Variants in ELMO1 observed in about 807,000 individuals in gnomAD.
ELMO1 encodes engulfment and cell motility 1.
In ELMO1, 26 loss-of-function variants were observed where a neutral mutation model predicts 98.9. That is an observed-to-expected ratio of 0.26 (90% CI 0.19 to 0.36). The LOEUF is 0.36. Among genes scored for constraint, ELMO1 ranks in the 10% least tolerant of loss-of-function variants. ELMO1 has a pLI of 1.00. For synonymous variants in ELMO1, 346 were observed against 346.0 expected, an observed-to-expected ratio of 1.00 and a Z score of 0.00; for missense variants, 627 against 935.2, an observed-to-expected ratio of 0.67 and a Z score of 4.30.
chr7:37,195,325 C>G (rs1383513281), intron 13 of ELMO1, among the ~76,000 whole-genome samples: 1 of 149,884 alleles, frequency 6.7e-6, no homozygotes, highest in Non-Finnish European at 1.5e-5. Flanking sequence ...CCTTAAATAT[C>G]ATAAATGCTC....
At chr7:37,374,573 A>G (rs926783437) in intron 1 of ELMO1, among the ~76,000 whole-genome samples, 1 of 151,906 alleles carries the variant, frequency 6.6e-6, no homozygotes, top group Non-Finnish European at 1.5e-5. Context: ...ACTATGGCGA[A>G]ATTCCATCTG....
At chr7:37,060,807 C>T (rs903409396) in intron 15 of ELMO1, among the ~76,000 whole-genome samples, 3 of 151,764 alleles carry the variant, frequency 2.0e-5, no homozygotes, top group African/African-American at 7.3e-5. Flanking sequence ...ATTAATTTGT[C>T]AAAAATTTGG....
intron 15 of ELMO1, among the ~76,000 whole-genome samples, chr7:37,068,656 G>C (rs1797110261): frequency 6.6e-6 from 1 of 152,164 alleles, no homozygotes; most frequent in Non-Finnish European, 1.5e-5. Context: ...TGAGAGAGTA[G>C]AGAGAACTAC....
chr7:37,241,052 C>T (rs2130686494), intron 7 of ELMO1, among the ~76,000 whole-genome samples: 1 of 152,202 alleles, frequency 6.6e-6, no homozygotes. Context: ...AAAGACTGGT[C>T]TTAAAATCAT....
intron 16 of ELMO1, among the ~76,000 whole-genome samples, chr7:36,956,616 CTAAT>C (rs1366335857): frequency 6.6e-6 from 1 of 152,140 alleles, no homozygotes; most frequent in Non-Finnish European, 1.5e-5. Flanking sequence ...TACAAGAAAA[CTAAT>C]TAGACTTGAA....
At chr7:37,157,430 C>T (rs1788861089) in intron 13 of ELMO1, among the ~76,000 whole-genome samples, 1 of 152,018 alleles carries the variant, frequency 6.6e-6, no homozygotes, top group Non-Finnish European at 1.5e-5. Flanking sequence ...TCGTATCAGC[C>T]CAAAAATCTC....
intron 6 of ELMO1, among the ~76,000 whole-genome samples, chr7:37,247,924 T>C (rs1795102373): frequency 6.6e-6 from 1 of 151,464 alleles, no homozygotes; most frequent in South Asian, 2.1e-4. Context: ...TGTGTGTGTG[T>C]GTAATACATA....
intron 1 of ELMO1, among the ~76,000 whole-genome samples, chr7:37,420,716 A>AT (rs1174588323): frequency 6.6e-6 from 1 of 152,220 alleles, no homozygotes; most frequent in Admixed American, 6.5e-5. Flanking sequence ...AGGAGAATGC[A>AT]TTTTAAAGTG....
chr7:37,158,894 G>A (rs895498279), intron 13 of ELMO1, among the ~76,000 whole-genome samples: 9 of 152,180 alleles, frequency 5.9e-5, no homozygotes, highest in Non-Finnish European at 1.2e-4. Context: ...GCAAGACTTG[G>A]AACCAACCCA....
intron 13 of ELMO1, among the ~76,000 whole-genome samples, chr7:37,146,415 AG>A (rs1184708966): frequency 1.3e-5 from 2 of 152,246 alleles, no homozygotes; most frequent in East Asian, 3.8e-4. Context: ...TATTCACAGC[AG>A]CCCATGGAGC....
chr7:37,170,834 T>C (rs923599031), intron 13 of ELMO1, among the ~76,000 whole-genome samples: 5 of 152,142 alleles, frequency 3.3e-5, no homozygotes, highest in African/African-American at 4.8e-5. Flanking sequence ...CTCAAACTCA[T>C]GGCCTCAAGT....
chr7:37,324,768 G>A (rs1012438785), intron 2 of ELMO1, among the ~76,000 whole-genome samples: 1 of 152,164 alleles, frequency 6.6e-6, no homozygotes, highest in Non-Finnish European at 1.5e-5. Context: ...TGTAGAGACA[G>A]GGTCTTGCTA....
chr7:37,352,077 T>A (rs73114706), intron 1 of ELMO1, among the ~76,000 whole-genome samples: 5,777 of 152,300 alleles, frequency 0.038, 138 homozygotes, highest in East Asian at 0.09. Context: ...CACTAATAAC[T>A]TACTAGTTCA....
chr7:37,146,908 G>A (rs1376283037), intron 13 of ELMO1, among the ~76,000 whole-genome samples: 1 of 152,104 alleles, frequency 6.6e-6, no homozygotes, highest in Non-Finnish European at 1.5e-5. Context: ...CGAGGTACCT[G>A]TTATGGTTCT....
intron 16 of ELMO1, among the ~76,000 whole-genome samples, chr7:36,996,348 T>C (rs1229913271): frequency 6.6e-6 from 1 of 152,222 alleles, no homozygotes; most frequent in Non-Finnish European, 1.5e-5. Flanking sequence ...GATTTAAAAA[T>C]AAACATTATT....
chr7:37,384,356 A>C (rs1276417687), intron 1 of ELMO1, among the ~76,000 whole-genome samples: 1 of 152,234 alleles, frequency 6.6e-6, no homozygotes, highest in Non-Finnish European at 1.5e-5. Flanking sequence ...AACCATTAGA[A>C]AAGGCACAAC....
intron 1 of ELMO1, among the ~76,000 whole-genome samples, chr7:37,432,092 G>T (rs1804955547): frequency 6.6e-6 from 1 of 152,140 alleles, no homozygotes; most frequent in African/African-American, 2.4e-5. Flanking sequence ...TGTTGGTCAG[G>T]CTGGTCTCGA....
chr7:36,926,791 A>G (rs768744255), intron 16 of ELMO1, among the ~76,000 whole-genome samples: 11 of 152,190 alleles, frequency 7.2e-5, no homozygotes, highest in Non-Finnish European at 1.5e-4. Context: ...TTCAATTCCT[A>G]TATTGATACT....
At chr7:37,198,663 C>T (rs1792106836) in intron 13 of ELMO1, among the ~76,000 whole-genome samples, 1 of 152,226 alleles carries the variant, frequency 6.6e-6, no homozygotes, top group South Asian at 2.1e-4. Context: ...TTACGAGACC[C>T]TGACGTTTCT....
Sources: gnomAD v4.1 joint callset for allele counts (sites outside exome capture counted in the v4.1 genomes callset) on GRCh38, gnomAD v4.1.1 for gene constraint, MANE v1.5 for transcripts, NCBI Gene and HGNC (gene_info 2026-07-23, HGNC 2026-07-21) for gene names.